CENPP: variants seen among roughly 807,000 people sequenced by gnomAD.
CENPP encodes centromere protein P.
CENPP carries 24 observed loss-of-function variants against 35.6 expected under a neutral mutation model. That is an observed-to-expected ratio of 0.67 (90% CI 0.49 to 0.95). The LOEUF is 0.95. Ranked by LOEUF, CENPP falls within the 40% of genes least tolerant of loss-of-function variation. The probability of loss-of-function intolerance (pLI) is 0.00; values close to 1 mark genes in which losing one functional copy is unlikely to be tolerated. For synonymous variants in CENPP, 120 were observed against 125.5 expected, an observed-to-expected ratio of 0.96 and a Z score of 0.29; for missense variants, 332 against 345.3, an observed-to-expected ratio of 0.96 and a Z score of 0.31.
chr9:92,619,536 G>A lies in CENPP; in HGVS notation c.*6387G>A, dbSNP rs1406801827. 4.4e-6 allele frequency: 7 copies of A among 1,591,122 alleles called. No homozygotes were observed. Among genetic ancestry groups the A allele is most frequent in the African/African-American group, 1.3e-5 (1 of 74,798 alleles). On this transcript the variant is annotated 3_prime_UTR_variant, in exon 8 of 8. Coordinates refer to ENST00000375587, the MANE Select transcript of CENPP (RefSeq NM_001012267.3). ...GTGCAATCATGATGGAGCAGTCCTT[G>A]GCAGTCATGGCGACGCGGTACTGCT...
At chr9:92,483,906 C>T (rs896357014) in intron 5 of CENPP, among the ~76,000 whole-genome samples, 17 of 152,226 alleles carry the variant, frequency 1.1e-4, no homozygotes, top group African/African-American at 3.9e-4. Flanking sequence ...CCTAGCCCTG[C>T]AGCACCTTAG....
intron 3 of CENPP, chr9:92,340,625 A>G (rs1290648629): frequency 2.0e-5 from 3 of 152,628 alleles, no homozygotes; most frequent in Admixed American, 6.5e-5. Context: ...TAATACTTTT[A>G]TAATTTCTTA....
At chr9:92,552,878 T>C (rs1289389641) in intron 5 of CENPP, among the ~76,000 whole-genome samples, 1 of 152,178 alleles carries the variant, frequency 6.6e-6, no homozygotes, top group East Asian at 1.9e-4. Flanking sequence ...TTATTGCATT[T>C]GCTTTTGGGT....
At chr9:92,529,289 C>T (rs556890036) in intron 5 of CENPP, among the ~76,000 whole-genome samples, 7 of 152,264 alleles carry the variant, frequency 4.6e-5, no homozygotes, top group African/African-American at 1.7e-4. Context: ...GTCTAAAACC[C>T]AAAACACTGA....
At chr9:92,523,445 G>C (rs1848201379) in intron 5 of CENPP, among the ~76,000 whole-genome samples, 1 of 152,126 alleles carries the variant, frequency 6.6e-6, no homozygotes, top group Non-Finnish European at 1.5e-5. Context: ...GGTACCCAAA[G>C]CCCTGTGGCA....
At chr9:92,564,010 G>A (rs1428207071) in intron 5 of CENPP, among the ~76,000 whole-genome samples, 1 of 152,146 alleles carries the variant, frequency 6.6e-6, no homozygotes, top group Non-Finnish European at 1.5e-5. Context: ...ATAGCAACAG[G>A]TCTGCATTTT....
chr9:92,562,006 C>T (rs62572545), intron 5 of CENPP, among the ~76,000 whole-genome samples: 1,735 of 152,224 alleles, frequency 0.011, 15 homozygotes, highest in Non-Finnish European at 0.017. Context: ...GCACTTCATT[C>T]CTCCACAACA....
At chr9:92,466,778 T>G (rs1845330971) in intron 5 of CENPP, among the ~76,000 whole-genome samples, 1 of 152,216 alleles carries the variant, frequency 6.6e-6, no homozygotes. Context: ...ATAATTAATG[T>G]TGTGCCATTG....
In CENPP at chr9:92,617,958, A is replaced by G. The variant is rs1032990006; in HGVS notation, c.*4809A>G. 2.8e-5 allele frequency: 9 copies of G among 323,440 alleles called. No individual in the cohort carries two copies. The highest frequency in any genetic ancestry group is 2.4e-4 in the East Asian group (3 of 12,656). The allele number at this position is 323,440 out of a possible 1,614,324, so 20.0% of individuals were successfully genotyped here. A position where few individuals can be genotyped will look rare whatever the true frequency, so the allele number is the denominator to read the frequency against. On this transcript the variant is annotated 3_prime_UTR_variant, in exon 8 of 8. Transcript: ENST00000375587. The stretch of plus-strand genomic sequence containing the variant: ...GGTGTAAGAAGTTTAAATGTGGTCA[A>G]TCTATCTGTGAGCTGCAAATTAGTC...
At chr9:92,565,310 A>AAAAAAG (rs1376015015) in intron 5 of CENPP, among the ~76,000 whole-genome samples, 1 of 151,010 alleles carries the variant, frequency 6.6e-6, no homozygotes, top group East Asian at 1.9e-4. Context: ...AAAAAAAAAA[A>AAAAAAG]AAAAAAAAAA....
intron 5 of CENPP, among the ~76,000 whole-genome samples, chr9:92,498,971 G>A (rs757544818): frequency 4.6e-5 from 7 of 152,146 alleles, no homozygotes; most frequent in Non-Finnish European, 8.8e-5. Context: ...CAAAACAATA[G>A]CAACACAATT....
intron 5 of CENPP, among the ~76,000 whole-genome samples, chr9:92,541,223 C>T (rs1040266572): frequency 3.9e-5 from 6 of 152,208 alleles, no homozygotes; most frequent in African/African-American, 1.2e-4. Flanking sequence ...TGCGCCACTG[C>T]ACGCCAGCCT....
At chr9:92,351,121 T>G (rs1259673734) in intron 4 of CENPP, among the ~76,000 whole-genome samples, 3 of 152,204 alleles carry the variant, frequency 2.0e-5, no homozygotes, top group Non-Finnish European at 4.4e-5. Context: ...AGAGTACACT[T>G]CAATAATAGT....
At chr9:92,522,083 G>GTTTT in intron 5 of CENPP, among the ~76,000 whole-genome samples, 1 of 151,922 alleles carries the variant, frequency 6.6e-6, no homozygotes, top group Non-Finnish European at 1.5e-5. Context: ...GTTTTGTTTT[G>GTTTT]TTTTGTTTTG....
intron 5 of CENPP, among the ~76,000 whole-genome samples, chr9:92,515,598 G>A (rs1246186717): frequency 6.6e-6 from 1 of 152,116 alleles, no homozygotes; most frequent in Non-Finnish European, 1.5e-5. Flanking sequence ...CTGTTCACTG[G>A]GGCTATTGCT....
At chr9:92,331,853 C>T (rs1242770936) in intron 1 of CENPP, among the ~76,000 whole-genome samples, 3 of 152,040 alleles carry the variant, frequency 2.0e-5, no homozygotes, top group East Asian at 3.9e-4. Context: ...CCCAGCTACT[C>T]AGGAGGATCC....
chr9:92,386,383 ATGTC>A, intron 5 of CENPP: 2 of 780,180 alleles, frequency 2.6e-6, no homozygotes, highest in Non-Finnish European at 4.6e-6. Context: ...ATATGAGTAT[ATGTC>A]TATATATACA....
At chr9:92,513,812 G>A (rs557394521) in intron 5 of CENPP, among the ~76,000 whole-genome samples, 98 of 152,314 alleles carry the variant, frequency 6.4e-4, no homozygotes, top group South Asian at 3.7e-3. Context: ...GGGAGTGATA[G>A]AATGTCCTAT....
intron 5 of CENPP, among the ~76,000 whole-genome samples, chr9:92,395,677 A>G (rs1473041146): frequency 6.6e-6 from 1 of 152,156 alleles, no homozygotes; most frequent in East Asian, 1.9e-4. Context: ...AACATTTGGT[A>G]TGGTCAGTCT....
Sources: allele counts gnomAD v4.1 joint callset (sites outside exome capture counted in the v4.1 genomes callset), GRCh38; gene constraint gnomAD v4.1.1; transcripts MANE v1.5; gene names NCBI Gene and HGNC (gene_info 2026-07-23, HGNC 2026-07-21).